The following DOCK1 variants were observed in gnomAD, a reference collection of about 807,000 sequenced individuals.
DOCK1 encodes dedicator of cytokinesis protein 1.
A neutral mutation model predicts 262.7 loss-of-function variants in DOCK1; 138 were observed. The ratio of observed to expected loss-of-function variants is 0.53; its 90% CI spans 0.46 to 0.61. DOCK1 has a LOEUF of 0.61. Ranked by LOEUF, DOCK1 falls within the 20% of genes least tolerant of loss-of-function variation. The pLI is 0.00. For synonymous variants in DOCK1, 866 were observed against 867.4 expected, an observed-to-expected ratio of 1.00 and a Z score of 0.03; for missense variants, 1,908 against 2,370.7, an observed-to-expected ratio of 0.80 and a Z score of 4.05.
rs557234483 is a variant in DOCK1, at chr10:127,057,607, C to T, written c.2337-4061C>T. 1.1e-3 allele frequency among the ~76,000 whole-genome samples: 168 copies of T among 152,250 alleles called. 1 individual carries two copies. Among genetic ancestry groups the T allele is most frequent in the African/African-American group, 3.7e-3 (154 of 41,548 alleles). Reference sequence around the variant, plus strand: ...AACCCACTGAAAGATTCCTGACAGCCGGGGGCACTTCTCTACTGGTTTTTG... The same window carrying T: ...AACCCACTGAAAGATTCCTGACAGCTGGGGGCACTTCTCTACTGGTTTTTG... On this transcript the variant is annotated intron_variant, in intron 22 of 51. Coordinates refer to ENST00000623213, the MANE Select transcript of DOCK1 (RefSeq NM_001290223.2).
chr10:127,342,098 C>T (rs931676982), intron 30 of DOCK1, among the ~76,000 whole-genome samples: 23 of 117,358 alleles, frequency 2.0e-4, no homozygotes, highest in Middle Eastern at 3.9e-3. Flanking sequence ...GTTGTTGTTG[C>T]TGCTGCTGCT....
At chr10:127,239,320 A>G (rs1427759297) in intron 27 of DOCK1, among the ~76,000 whole-genome samples, 1 of 152,142 alleles carries the variant, frequency 6.6e-6, no homozygotes, top group Non-Finnish European at 1.5e-5. Flanking sequence ...AAGATTATCT[A>G]TGTTTTTATT....
At chr10:127,282,970 G>A (rs944861272) in intron 29 of DOCK1, among the ~76,000 whole-genome samples, 13 of 152,342 alleles carry the variant, frequency 8.5e-5, no homozygotes, top group African/African-American at 1.9e-4. Flanking sequence ...ACAAGTAAGC[G>A]TAGAGCTGAC....
chr10:127,139,394 T>TA lies in DOCK1; in HGVS notation c.2847+11641dup, dbSNP rs537541750. Among the ~76,000 whole-genome samples the TA allele has an allele frequency of 1.7e-3, 256 of 148,428 alleles. 3 individuals are homozygous for TA. The South Asian group carries it at 0.045, about 26-fold the overall frequency. ...GTGACTCTAATATTACTCAAAAAAT[T>TA]AAAAAAAAAAATTGCCAGAGAAGTT... is the stretch of plus-strand genomic sequence containing the variant. On this transcript the variant is annotated intron_variant, in intron 27 of 51. Coordinates refer to ENST00000623213, the MANE Select transcript of DOCK1 (RefSeq NM_001290223.2).
At chr10:127,426,154 C>T in intron 47 of DOCK1, 143 bp downstream of exon 47, 1 of 1,418,428 alleles carries the variant, frequency 7.1e-7, no homozygotes. Flanking sequence ...GAGCTCAGCC[C>T]CCTTGGGCAG....
chr10:127,210,895 C>T (rs767152893), intron 27 of DOCK1, among the ~76,000 whole-genome samples: 2 of 152,198 alleles, frequency 1.3e-5, no homozygotes, highest in East Asian at 1.9e-4. Context: ...TGACACGTGG[C>T]GTAATGACTT....
At chr10:127,291,015 G>A (rs993031116) in intron 29 of DOCK1, among the ~76,000 whole-genome samples, 7 of 152,146 alleles carry the variant, frequency 4.6e-5, no homozygotes, top group African/African-American at 1.7e-4. Flanking sequence ...GGACTTTAAG[G>A]TTGCTGGGGC....
intron 31 of DOCK1, among the ~76,000 whole-genome samples, chr10:127,350,633 G>A (rs2063838583): frequency 6.6e-6 from 1 of 152,126 alleles, no homozygotes; most frequent in Admixed American, 6.5e-5. Context: ...TATCTTGTGT[G>A]ATTATTTTAT....
At chr10:127,385,796 C>A (rs1044066822) in intron 38 of DOCK1, among the ~76,000 whole-genome samples, 1 of 152,210 alleles carries the variant, frequency 6.6e-6, no homozygotes, top group Admixed American at 6.5e-5. Flanking sequence ...CACTGGTCAT[C>A]TGTAACCACA....
At position 127,026,333 on chromosome 10, in the gene DOCK1, T is replaced by C; in HGVS notation, c.1552-19T>C. 1 of 1,555,306 alleles carries C rather than the reference T, an allele frequency of 6.4e-7. No homozygotes were observed. Among genetic ancestry groups the C allele is most frequent in the African/African-American group, 1.4e-5 (1 of 73,454 alleles). On this transcript the variant is annotated intron_variant, in intron 15 of 51. Transcript: ENST00000623213. ...TGATATTGATAACAGTGCTTAAACT[T>C]CTTTTTCAATTCTTGAAGGTGGCCA...
chr10:127,380,145 T>G (rs573911230), intron 36 of DOCK1, 23 bp downstream of exon 36: 1 of 1,437,596 alleles, frequency 7.0e-7, no homozygotes, highest in Admixed American at 2.5e-5. Flanking sequence ...CACGCTTGTC[T>G]GCATGTTAAT....
chr10:127,261,343 G>GCA (rs2060097743), intron 29 of DOCK1, among the ~76,000 whole-genome samples: 9 of 139,050 alleles, frequency 6.5e-5, no homozygotes, highest in Middle Eastern at 4.6e-3. Flanking sequence ...GTGTGCGTGT[G>GCA]TGTACCCGTG....
chr10:127,336,756 G>T (rs1315480842), intron 29 of DOCK1, among the ~76,000 whole-genome samples: 11 of 152,050 alleles, frequency 7.2e-5, no homozygotes, highest in Non-Finnish European at 5.9e-5. Context: ...AGCCAGGATG[G>T]TCTCAATCTC....
At chr10:127,259,117 T>C (rs2059925958) in intron 29 of DOCK1, among the ~76,000 whole-genome samples, 1 of 152,278 alleles carries the variant, frequency 6.6e-6, no homozygotes, top group South Asian at 2.1e-4. Context: ...AAAGATGGCA[T>C]CTGAGAGTAG....
intron 6 of DOCK1, among the ~76,000 whole-genome samples, chr10:126,993,532 G>A (rs796685371): frequency 1.2e-4 from 19 of 152,346 alleles, no homozygotes; most frequent in African/African-American, 4.6e-4. Context: ...ATTTGGGAGG[G>A]AGGAGCTTGC....
Position 127,016,719 on chromosome 10 carries a change from TAC to T in DOCK1, c.1202-1978_1202-1977del, listed in dbSNP as rs367834363. The T allele has an allele frequency of 1.5e-4, 21 of 144,112 alleles. No individual in the cohort carries two copies. In the South Asian group the frequency reaches 2.0e-3, roughly 14 times the overall value. 8.9% of individuals were successfully genotyped at this position (144,112 alleles called of 1,614,324 possible). A position where few individuals can be genotyped will look rare whatever the true frequency, so the allele number is the denominator to read the frequency against. ...TACCACAAACACAGACATACGCACA[TAC>T]ACACACACACACCACACACACACAC... is the stretch of plus-strand genomic sequence containing the variant. On this transcript the variant is annotated intron_variant, in intron 12 of 51. Coordinates refer to ENST00000623213, the MANE Select transcript of DOCK1 (RefSeq NM_001290223.2).
At chr10:126,966,807 A>G (rs949824375) in intron 1 of DOCK1, among the ~76,000 whole-genome samples, 7,277 of 152,324 alleles carry the variant, frequency 0.048, 210 homozygotes, top group Non-Finnish European at 0.06. Context: ...AGAAAAAAAC[A>G]AAAAACCAAA....
chr10:126,959,888 G>A (rs1485622094), intron 1 of DOCK1, among the ~76,000 whole-genome samples: 1 of 152,000 alleles, frequency 6.6e-6, no homozygotes, highest in Non-Finnish European at 1.5e-5. Flanking sequence ...TGCAATCTCG[G>A]CTCACTGCAA....
At chr10:126,978,574 T>C (rs2038719090) in intron 3 of DOCK1, among the ~76,000 whole-genome samples, 1 of 152,206 alleles carries the variant, frequency 6.6e-6, no homozygotes, top group Admixed American at 6.5e-5. Context: ...TTAACATTCT[T>C]AGCTTCATGG....
Sources: gnomAD v4.1 joint callset for allele counts (sites outside exome capture counted in the v4.1 genomes callset) on GRCh38, gnomAD v4.1.1 for gene constraint, MANE v1.5 for transcripts, NCBI Gene and HGNC (gene_info 2026-07-23, HGNC 2026-07-21) for gene names.